The following ZFHX2 variants were observed in gnomAD, a reference collection of about 807,000 sequenced individuals.
ZFHX2 encodes zinc finger homeobox protein 2.
Under a neutral mutation model 164.8 loss-of-function variants are expected in ZFHX2, and 75 were observed. The observed-to-expected ratio is 0.46, with a 90% CI of 0.38 to 0.55. ZFHX2 has a LOEUF of 0.55. Among genes scored for constraint, ZFHX2 ranks in the 20% least tolerant of loss-of-function variants. The pLI, the probability that ZFHX2 is intolerant of heterozygous loss-of-function variation, is 0.00. For missense variants in ZFHX2, 2,933 were observed against 3,308.0 expected, an observed-to-expected ratio of 0.89 and a Z score of 2.78; for synonymous variants, 1,217 against 1,351.4, an observed-to-expected ratio of 0.90 and a Z score of 2.18.
chr14:23,534,450 C>T lies in ZFHX2; in HGVS notation c.876G>A (p.Leu292=). 5.2e-6 allele frequency: 8 copies of T among 1,536,452 alleles called. No individual in the cohort carries two copies. The highest frequency in any genetic ancestry group is 6.1e-6 in the Non-Finnish European group (7 of 1,146,968). ...AGGGGCGAGCAGGGAGTTTTGGCTC[C>T]AGAAAGCTTATGAGGGCCTTGCAGC... The part of the protein sequence containing the change: ...DEGCKALISF[L]EPKLPARPSS... The change falls in exon 2 of 10, where the codon CTG becomes CTA. Residue 292 remains leucine, a synonymous_variant. Transcript: ENST00000419474. The surrounding 1 kb of genome is among the most constrained non-coding windows in gnomAD (Gnocchi z 4.5).
At position 23,533,017 on chromosome 14, in the gene ZFHX2, G is replaced by A. The variant is rs1024141145; in HGVS notation, c.2109C>T (p.Ser703=). 3.9e-6 allele frequency: 6 copies of A among 1,536,084 alleles called. No homozygotes were observed. The highest frequency in any genetic ancestry group is 3.6e-5 in the South Asian group (3 of 84,052). The change falls in exon 3 of 10, where the codon AGC becomes AGT. Residue 703 remains serine, a synonymous_variant. Coordinates refer to ENST00000419474, the MANE Select transcript of ZFHX2 (RefSeq NM_033400.3). The surrounding 1 kb of genome is among the most constrained non-coding windows in gnomAD (Gnocchi z 4.8). ...CGTCTGGGGGTGGTGAGGTGGGCAGGCTGTCAGATGAGGAACCCAGGAGCT... is the reference window on the plus strand; with the variant it reads ...CGTCTGGGGGTGGTGAGGTGGGCAGACTGTCAGATGAGGAACCCAGGAGCT... The part of the protein sequence containing the change: ...PSQLLGSSSD[S]LPTSPPPDDS...
At chr14:23,544,601 G>C (rs186907382) in intron 1 of ZFHX2, among the ~76,000 whole-genome samples, 2 of 152,302 alleles carry the variant, frequency 1.3e-5, no homozygotes, top group Admixed American at 1.3e-4. Context: ...AGGGTATCCT[G>C]TTCAGTGTGT....
Position 23,529,872 on chromosome 14 carries a change from GA to G in ZFHX2, c.2876-105del, listed in dbSNP as rs1879300132. 9 of 1,216,026 alleles carry G rather than the reference GA, an allele frequency of 7.4e-6. No individual in the cohort carries two copies. In the Admixed American group the frequency reaches 1.2e-4, roughly 16 times the overall value. The allele number at this position is 1,216,026 out of a possible 1,614,324, so 75.3% of individuals were successfully genotyped here. A position where few individuals can be genotyped will look rare whatever the true frequency, so the allele number is the denominator to read the frequency against. On this transcript the variant is annotated intron_variant, in intron 5 of 9. Coordinates refer to ENST00000419474, the MANE Select transcript of ZFHX2 (RefSeq NM_033400.3). Reference sequence around the variant, plus strand: ...GAGTTGGGCACTAGAGAAAGGGCAGGAAACTCAGTAGATAGGTGAGGCTTGG... The same window carrying G: ...GAGTTGGGCACTAGAGAAAGGGCAGGAACTCAGTAGATAGGTGAGGCTTGG...
upstream of ZFHX2, among the ~76,000 whole-genome samples, chr14:23,552,362 C>T (rs893883346): frequency 2.3e-4 from 35 of 150,202 alleles, no homozygotes; most frequent in Admixed American, 1.4e-3. Context: ...GGTGCGATCT[C>T]GGCTCACTGC....
intron 6 of ZFHX2, 82 bp downstream of exon 6, chr14:23,529,628 T>C (rs1879268256): frequency 1.5e-6 from 2 of 1,335,246 alleles, no homozygotes; most frequent in Non-Finnish European, 2.1e-6. Flanking sequence ...CATGACAAAA[T>C]TACGTCTGCC....
Position 23,521,836 on chromosome 14 carries a change from GAA to G in ZFHX2, c.*124_*125del. On this transcript the variant is annotated 3_prime_UTR_variant, in exon 10 of 10. Transcript: ENST00000419474. ...GTGGTGCCCACTGAGGGTGGGAACT[GAA>G]CAGTTCCTGTGAGGTGGGCGGGGCC... 6.8e-7 allele frequency: 1 copy of G among 1,460,400 alleles called. No individual in the cohort carries two copies. The highest frequency in any genetic ancestry group is 9.0e-7 in the Non-Finnish European group (1 of 1,109,048). 90.5% of individuals were successfully genotyped at this position (1,460,400 alleles called of 1,614,324 possible).
chr14:23,525,411 C>T lies in ZFHX2; in HGVS notation c.4531G>A (p.Ala1511Thr). The stretch of plus-strand genomic sequence containing the variant: ...AACTGAGCAGCATAACGGCTCAGGG[C>T]TTCAAAGGGCAGAAAGCGGCGGTGG... The part of the protein sequence containing the change: ...HVHRRFLPFE[A>T]LSRYAAQFRK... The change falls in exon 9 of 10, where the codon GCC becomes ACC. Residue 1511 changes from alanine to threonine, a missense_variant. Physicochemically the swap from Ala to Thr is moderately conservative, Grantham distance 58 (BLOSUM62 0). Transcript: ENST00000419474. The surrounding 1 kb of genome is among the most constrained non-coding windows in gnomAD (Gnocchi z 5.9). The T allele has an allele frequency of 6.5e-7, 1 of 1,536,122 alleles. No individual in the cohort carries two copies. The highest frequency in any genetic ancestry group is 8.7e-7 in the Non-Finnish European group (1 of 1,146,918).
chr14:23,524,749 A>G lies in ZFHX2; in HGVS notation c.5193T>C (p.Pro1731=). Residue 1731 remains proline (P), a synonymous_variant, in exon 9 of 10, where the codon CCT becomes CCC. Coordinates refer to ENST00000419474, the MANE Select transcript of ZFHX2 (RefSeq NM_033400.3). The surrounding 1 kb of genome is among the most constrained non-coding windows in gnomAD (Gnocchi z 5.6). ...CTGGAGGCTCTGGTAATGGGCCCTC[A>G]GGCCCTGCTGGAGGTTCAAGGCCCT... ...EEQGLEPPAG[P]EGPLPEPPDG... 1 of 1,536,388 alleles carries G rather than the reference A, an allele frequency of 6.5e-7. No homozygotes were observed. Among genetic ancestry groups the G allele is most frequent in the South Asian group, 1.2e-5 (1 of 84,064 alleles).
Position 23,527,189 on chromosome 14 carries a change from C to A in ZFHX2, c.3136-216G>T, listed in dbSNP as rs79002009. 9.4e-3 allele frequency among the ~76,000 whole-genome samples: 1,433 copies of A among 152,240 alleles called. 27 individuals carry two copies. Among genetic ancestry groups the A allele is most frequent in the African/African-American group, 0.033 (1,370 of 41,530 alleles). ...TATCTGGCTTCCTCTTTCCCCAAAC[C>A]AGAAGTCATCATTCTTTGAGGCTAC... On this transcript the variant is annotated intron_variant, in intron 7 of 9. Transcript: ENST00000419474.
Position 23,535,883 on chromosome 14 carries a change from C to T in ZFHX2, c.-49-509G>A, listed in dbSNP as rs1388359979. The stretch of plus-strand genomic sequence containing the variant: ...CTAGGATTATAGGCGTGAGCCACCG[C>T]GCCCAGCCTAGAACTCTTTATTTGT... On this transcript the variant is annotated intron_variant, in intron 1 of 9. Transcript: ENST00000419474. This position sits in a 1 kb window ranked among gnomAD's most constrained non-coding sequence, Gnocchi z 4.5. Among the ~76,000 whole-genome samples, 1 of 152,184 alleles carries T rather than the reference C, an allele frequency of 6.6e-6. No individual in the cohort carries two copies. The highest frequency in any genetic ancestry group is 1.9e-4 in the East Asian group (1 of 5,202).
chr14:23,524,118 T>C lies in ZFHX2; in HGVS notation c.5824A>G (p.Lys1942Glu). The change falls in exon 9 of 10, where the codon AAG (lysine) becomes GAG (glutamate). Residue 1942 changes from lysine to glutamate, a missense_variant. By Grantham distance (56) the Lys-to-Glu change is moderately conservative. Coordinates refer to ENST00000419474, the MANE Select transcript of ZFHX2 (RefSeq NM_033400.3). The surrounding 1 kb of genome is among the most constrained non-coding windows in gnomAD (Gnocchi z 5.6). ...ACCTTGCCTAATAAGAGGTTGAACT[T>C]GGGCAAGGATGCAGGGGTGGCTGTG... is the stretch of plus-strand genomic sequence containing the variant. ...PATATPASLP[K>E]FNLLLGKVDD... 6.5e-7 allele frequency: 1 copy of C among 1,535,178 alleles called. No individual in the cohort carries two copies. The highest frequency in any genetic ancestry group is 8.7e-7 in the Non-Finnish European group (1 of 1,146,438).
intron 1 of ZFHX2, among the ~76,000 whole-genome samples, chr14:23,549,388 C>G (rs1329029562): frequency 6.6e-6 from 1 of 152,114 alleles, no homozygotes. Context: ...GCTCCTTTTA[C>G]CTTTCCAAGC....
In ZFHX2 at chr14:23,522,902, G is replaced by A. The variant is rs763707919; in HGVS notation, c.6779C>T (p.Ser2260Leu). 10 of 1,471,434 alleles carry A rather than the reference G, an allele frequency of 6.8e-6. No homozygotes were observed. The African/African-American group carries it at 9.8e-5, about 14-fold the overall frequency. The allele number at this position is 1,471,434 out of a possible 1,614,324, so 91.1% of individuals were successfully genotyped here. A position where few individuals can be genotyped will look rare whatever the true frequency, so the allele number is the denominator to read the frequency against. Residue 2260 changes from serine (S) to leucine (L), a missense_variant, in exon 10 of 10, where the codon TCG (serine) becomes TTG (leucine). Physicochemically the swap from Ser to Leu is moderately radical, Grantham distance 145. Coordinates refer to ENST00000419474, the MANE Select transcript of ZFHX2 (RefSeq NM_033400.3). ...ASSGLLGLATSVLPTTTVVQT... is the reference protein window; with the variant it reads ...ASSGLLGLATLVLPTTTVVQT... ...GACCACTGTGGTGGTAGGCAGGACC[G>A]AAGTGGCGAGGCCGAGGAGGCCTGA...
Position 23,522,617 on chromosome 14 carries a change from C to G in ZFHX2, c.7064G>C (p.Gly2355Ala). 6.5e-7 allele frequency: 1 copy of G among 1,532,418 alleles called. No homozygotes were observed. The highest frequency in any genetic ancestry group is 8.7e-7 in the Non-Finnish European group (1 of 1,144,332). The allele number at this position is 1,532,418 out of a possible 1,614,324, so 94.9% of individuals were successfully genotyped here. A position where few individuals can be genotyped will look rare whatever the true frequency, so the allele number is the denominator to read the frequency against. The stretch of plus-strand genomic sequence containing the variant: ...GCCAAAGACAGCTGGCGGTGCTGTT[C>G]CCCCAGCAGGGGGCAATGGAAAGGG... ...FLPFPLPPAG[G>A]TAPPAVFGPQ... The change falls in exon 10 of 10, where the codon GGA becomes GCA. Residue 2355 changes from glycine to alanine, a missense_variant. Coordinates refer to ENST00000419474, the MANE Select transcript of ZFHX2 (RefSeq NM_033400.3).
chr14:23,526,416 T>C lies in ZFHX2; in HGVS notation c.3526A>G (p.Thr1176Ala). Residue 1176 changes from threonine (T) to alanine (A), a missense_variant, in exon 9 of 10, where the codon ACC becomes GCC. Transcript: ENST00000419474. ...DSRHPLTYRK[T>A]TNFALDKFLD... ...AACTTGTCCAGGGCAAAGTTGGTGG[T>C]TTTCCGATAGGTCAGAGGGTGGCGA... 1 of 1,536,094 alleles carries C rather than the reference T, an allele frequency of 6.5e-7. No homozygotes were observed. Among genetic ancestry groups the C allele is most frequent in the South Asian group, 1.2e-5 (1 of 84,046 alleles).
chr14:23,526,793 C>A (rs972386471), intron 8 of ZFHX2, 54 bp downstream of exon 8: 2 of 1,522,774 alleles, frequency 1.3e-6, no homozygotes, highest in East Asian at 4.9e-5. Flanking sequence ...ACCTTGTTGG[C>A]CCATGGAGTC....
chr14:23,522,374 A>G lies in ZFHX2; in HGVS notation c.7307T>C (p.Leu2436Pro). The G allele has an allele frequency of 6.5e-7, 1 of 1,536,198 alleles. No homozygotes were observed. Among genetic ancestry groups the G allele is most frequent in the Non-Finnish European group, 8.7e-7 (1 of 1,146,892 alleles). Reference sequence around the variant, plus strand: ...GGTGGAGATGCCAGTGCTGCCTGTCAGCAGCTCATCAACCTCACCAGCTTC... The same window carrying G: ...GGTGGAGATGCCAGTGCTGCCTGTCGGCAGCTCATCAACCTCACCAGCTTC... ...EGEAGEVDEL[L>P]TGSTGISTVD... The change falls in exon 10 of 10, where the codon CTG becomes CCG. Residue 2436 changes from leucine (L) to proline (P), a missense_variant. Coordinates refer to ENST00000419474, the MANE Select transcript of ZFHX2 (RefSeq NM_033400.3).
chr14:23,538,810 G>T (rs1196205431), intron 1 of ZFHX2, among the ~76,000 whole-genome samples: 1 of 152,158 alleles, frequency 6.6e-6, no homozygotes, highest in Non-Finnish European at 1.5e-5. Flanking sequence ...AGGGCTGGGG[G>T]CCTCTGTGAA....
Position 23,534,341 on chromosome 14 carries a change from C to G in ZFHX2, c.985G>C (p.Glu329Gln). The part of the protein sequence containing the change: ...AQTEDGPPEA[E>Q]VQALILLDEE... ...TCCAGGAGGATAAGGGCCTGGACTT[C>G]TGCCTCAGGGGGGCCATCCTCTGTC... Residue 329 changes from glutamate to glutamine, a missense_variant, in exon 2 of 10, where the codon GAA (glutamate) becomes CAA (glutamine). Coordinates refer to ENST00000419474, the MANE Select transcript of ZFHX2 (RefSeq NM_033400.3). This position sits in a 1 kb window ranked among gnomAD's most constrained non-coding sequence, Gnocchi z 4.5. The G allele has an allele frequency of 1.3e-6, 2 of 1,536,620 alleles. No homozygotes were observed. Among genetic ancestry groups the G allele is most frequent in the South Asian group, 1.2e-5 (1 of 84,060 alleles).
Sources: gnomAD v4.1 joint callset for allele counts (sites outside exome capture counted in the v4.1 genomes callset) on GRCh38, gnomAD v4.1.1 for gene constraint, Gnocchi (gnomAD v3.1) non-coding constraint, MANE v1.5 for transcripts, NCBI Gene and HGNC (gene_info 2026-07-23, HGNC 2026-07-21) for gene names.